Variants in RELN observed in about 807,000 individuals in gnomAD.
RELN encodes reelin.
In RELN, 108 loss-of-function variants were observed where a neutral mutation model predicts 427.6. That is an observed-to-expected ratio of 0.25 (90% CI 0.22 to 0.30). The LOEUF is 0.30. Ranked by LOEUF, RELN falls within the 10% of genes least tolerant of loss-of-function variation. RELN has a pLI of 1.00. For missense variants in RELN, 3,715 were observed against 4,302.8 expected, an observed-to-expected ratio of 0.86 and a Z score of 3.82; for synonymous variants, 1,524 against 1,513.4, an observed-to-expected ratio of 1.01 and a Z score of -0.16.
chr7:103,940,598 T>C (rs1796091513), intron 1 of RELN, among the ~76,000 whole-genome samples: 1 of 152,114 alleles, frequency 6.6e-6, no homozygotes, highest in Admixed American at 6.5e-5. Flanking sequence ...CAAGCTCTCA[T>C]TCCCTGCAGC....
intron 3 of RELN, among the ~76,000 whole-genome samples, chr7:103,785,389 G>T (rs1370374957): frequency 6.6e-6 from 1 of 152,092 alleles, no homozygotes; most frequent in Non-Finnish European, 1.5e-5. Flanking sequence ...TTTTCTGCTG[G>T]ATATGAATTA....
At chr7:103,701,140 T>C (rs921316293) in intron 8 of RELN, 134 bp from the exon 9 acceptor site, 2 of 677,166 alleles carry the variant, frequency 3.0e-6, no homozygotes, top group African/African-American at 1.8e-5. Flanking sequence ...CTTCTAATGA[T>C]GCTGAAATCT....
At chr7:103,728,626 C>T (rs1460554104) in intron 6 of RELN, among the ~76,000 whole-genome samples, 1 of 152,008 alleles carries the variant, frequency 6.6e-6, no homozygotes, top group Non-Finnish European at 1.5e-5. Flanking sequence ...ATGCCCAATA[C>T]AAGGACGTTT....
At chr7:103,564,058 T>C (rs1165426858) in intron 34 of RELN, among the ~76,000 whole-genome samples, 2 of 152,238 alleles carry the variant, frequency 1.3e-5, no homozygotes, top group Non-Finnish European at 2.9e-5. Flanking sequence ...CACATTTGGA[T>C]CCTGGCATCA....
At chr7:103,662,202 G>A (rs1833158144) in intron 11 of RELN, among the ~76,000 whole-genome samples, 1 of 152,214 alleles carries the variant, frequency 6.6e-6, no homozygotes, top group Non-Finnish European at 1.5e-5. Flanking sequence ...CTGAGATGAA[G>A]AGAGGTTAAG....
intron 16 of RELN, among the ~76,000 whole-genome samples, chr7:103,646,034 T>C (rs924037758): frequency 1.3e-5 from 2 of 151,818 alleles, no homozygotes; most frequent in East Asian, 1.9e-4. Context: ...TGAATGATCT[T>C]TGAGTTAATG....
chr7:103,829,030 G>A (rs2116395532), intron 3 of RELN, among the ~76,000 whole-genome samples: 1 of 152,018 alleles, frequency 6.6e-6, no homozygotes. Context: ...CACTCACTAG[G>A]TGAGTTACCT....
chr7:103,636,062 T>A (rs1832572826), intron 18 of RELN, among the ~76,000 whole-genome samples, 173 bp downstream of exon 18: 1 of 152,252 alleles, frequency 6.6e-6, no homozygotes, highest in African/African-American at 2.4e-5. Context: ...GTGAGCCTCC[T>A]AATTTACTAA....
chr7:103,806,057 C>T (rs548356502), intron 3 of RELN, among the ~76,000 whole-genome samples: 17 of 152,232 alleles, frequency 1.1e-4, no homozygotes, highest in Middle Eastern at 3.4e-3. Flanking sequence ...AAATGCTCTA[C>T]GCATTGGTAA....
At position 103,605,693 on chromosome 7, in the gene RELN, A is replaced by G. The variant is rs534010755; in HGVS notation, c.3009-1210T>C. On this transcript the variant is annotated intron_variant, in intron 22 of 64. Transcript: ENST00000428762. ...AAGGAACCTTTCCCAAGCACACTAT[A>G]TACAGATACCCTTGATCTTAATGAT... Among the ~76,000 whole-genome samples the G allele has an allele frequency of 2.0e-5, 3 of 152,366 alleles. 1 individual carries two copies. The highest frequency in any genetic ancestry group is 7.2e-5 in the African/African-American group (3 of 41,598).
intron 46 of RELN, among the ~76,000 whole-genome samples, chr7:103,530,242 T>C (rs1829910502): frequency 6.6e-6 from 1 of 152,222 alleles, no homozygotes; most frequent in Non-Finnish European, 1.5e-5. Context: ...CCTCCTGGAA[T>C]CAACTTTAGC....
intron 6 of RELN, among the ~76,000 whole-genome samples, chr7:103,740,076 T>C (rs1270489237): frequency 6.6e-6 from 1 of 152,038 alleles, no homozygotes; most frequent in African/African-American, 2.4e-5. Context: ...CAGAGGTGCA[T>C]CCTCATTCTA....
At chr7:103,844,587 A>G (rs1044759346) in intron 2 of RELN, among the ~76,000 whole-genome samples, 7 of 152,194 alleles carry the variant, frequency 4.6e-5, no homozygotes, top group Admixed American at 3.9e-4. Flanking sequence ...CCATATCACT[A>G]GTGACTTCAG....
At chr7:103,855,757 C>A (rs919080132) in intron 2 of RELN, among the ~76,000 whole-genome samples, 21 of 152,158 alleles carry the variant, frequency 1.4e-4, no homozygotes, top group African/African-American at 4.3e-4. Flanking sequence ...TAGCTTCTGG[C>A]AGCCTCAGGC....
intron 8 of RELN, among the ~76,000 whole-genome samples, chr7:103,715,137 C>T (rs775691063): frequency 9.2e-5 from 14 of 151,952 alleles, no homozygotes; most frequent in Admixed American, 2.6e-4. Flanking sequence ...CGTTTATTAA[C>T]GAGAAAACAT....
At chr7:103,540,060 G>T (rs2117128804) in intron 44 of RELN, 137 bp downstream of exon 44, 1 of 860,934 alleles carries the variant, frequency 1.2e-6, no homozygotes, top group Non-Finnish European at 1.9e-6. Flanking sequence ...TAATCTAGCT[G>T]CGTGCCCTTG....
intron 8 of RELN, among the ~76,000 whole-genome samples, chr7:103,716,453 T>TTAAATATTC (rs1373723470): frequency 2.1e-5 from 3 of 143,828 alleles, no homozygotes; most frequent in African/African-American, 7.3e-5. Context: ...TCTAAAGAGC[T>TTAAATATTC]TAAAGATCTT....
Position 103,503,015 on chromosome 7 carries a change from C to G in RELN, c.8489+1G>C, listed in dbSNP as rs1236854618. The G allele has an allele frequency of 6.2e-7, 1 of 1,613,164 alleles. No individual in the cohort carries two copies. The highest frequency in any genetic ancestry group is 1.7e-5 in the Admixed American group (1 of 59,986). On this transcript the variant is annotated splice_donor_variant, in intron 52 of 64. Coordinates refer to ENST00000428762, the MANE Select transcript of RELN (RefSeq NM_005045.4). LOFTEE classifies it high-confidence loss of function. ...AGGCTTTGTTTTAGTTTTCTACTTA[C>G]TTTCCCACTAAGCTTTCAGGAAGTG...
At chr7:103,805,919 C>T (rs1174281435) in intron 3 of RELN, among the ~76,000 whole-genome samples, 1 of 152,106 alleles carries the variant, frequency 6.6e-6, no homozygotes, top group Non-Finnish European at 1.5e-5. Flanking sequence ...CATTGACTCA[C>T]TATGGTCCAT....
Sources: gnomAD v4.1 joint callset for allele counts (sites outside exome capture counted in the v4.1 genomes callset) on GRCh38, gnomAD v4.1.1 for gene constraint, MANE v1.5 for transcripts, NCBI Gene and HGNC (gene_info 2026-07-23, HGNC 2026-07-21) for gene names.